FANCD2: variants seen among roughly 807,000 people sequenced by gnomAD.
FANCD2 encodes FA complementation group D2.
FANCD2 carries 131 observed loss-of-function variants against 192.3 expected under a neutral mutation model. That is an observed-to-expected ratio of 0.68 (90% CI 0.59 to 0.79). FANCD2 has a LOEUF of 0.79. Ranked by LOEUF, FANCD2 falls within the 30% of genes least tolerant of loss-of-function variation. The pLI, the probability that FANCD2 is intolerant of heterozygous loss-of-function variation, is 0.00. For synonymous variants in FANCD2, 524 were observed against 612.5 expected (o/e 0.86, Z 2.13); for missense variants, 1,508 against 1,701.6 (o/e 0.89, Z 2.00).
chr3:10,048,921 G>A (rs1439054716), intron 16 of FANCD2, among the ~76,000 whole-genome samples: 5 of 152,262 alleles, frequency 3.3e-5, no homozygotes, highest in Non-Finnish European at 7.3e-5. Flanking sequence ...CCCTCTTAAT[G>A]TCTTAGAGAC....
intron 18 of FANCD2, chr3:10,058,075 AT>A: frequency 2.0e-6 from 1 of 495,776 alleles, no homozygotes. Context: ...ACTTCTTGGG[AT>A]TCTCCAAATA....
chr3:10,069,491 C>CTCCA (rs1295920239), intron 26 of FANCD2, among the ~76,000 whole-genome samples: 2 of 130,290 alleles, frequency 1.5e-5, no homozygotes, highest in Admixed American at 7.3e-5. Flanking sequence ...CTCCCCCTCT[C>CTCCA]CCGTCTCCCT....
chr3:10,036,105 T>TTTTTTTTTTTTGG (rs2086724568), intron 6 of FANCD2, among the ~76,000 whole-genome samples, 182 bp from the exon 7 acceptor site: 1 of 146,788 alleles, frequency 6.8e-6, no homozygotes, highest in African/African-American at 2.6e-5. Flanking sequence ...TTTTTTTTTT[T>TTTTTTTTTTTTGG]GAGTCAGAGT....
chr3:10,094,236 G>T, intron 39 of FANCD2, 53 bp from the exon 40 acceptor site: 1 of 1,352,614 alleles, frequency 7.4e-7, no homozygotes, highest in Non-Finnish European at 1.1e-6. Context: ...TGCCTCAGGG[G>T]CCTTTCAGTG....
At position 10,087,116 on chromosome 3, in the gene FANCD2, T is replaced by G; in HGVS notation, c.3336-18T>G. The G allele has an allele frequency of 1.2e-6, 2 of 1,613,940 alleles. No homozygotes were observed. The highest frequency in any genetic ancestry group is 1.7e-6 in the Non-Finnish European group (2 of 1,179,902). The stretch of plus-strand genomic sequence containing the variant: ...TAGGATACTATTGCATTTGTTTGTT[T>G]TTCTTGTCTCCTTACAGCCAGAGCG... On this transcript the variant is annotated intron_variant, in intron 33 of 43. Transcript: ENST00000675286.
At chr3:10,095,466 C>G in intron 41 of FANCD2, 192 bp downstream of exon 41, 1 of 607,216 alleles carries the variant, frequency 1.6e-6, no homozygotes. Context: ...ATCTCCGCAT[C>G]TGAAATTTGA....
chr3:10,077,996 G>A, intron 29 of FANCD2, 85 bp from the exon 30 acceptor site: 1 of 948,162 alleles, frequency 1.1e-6, no homozygotes, highest in Non-Finnish European at 1.7e-6. Flanking sequence ...TCTTGCCACT[G>A]CACATTTAAC....
At chr3:10,076,003 T>G (rs1187455976) in intron 29 of FANCD2, among the ~76,000 whole-genome samples, 1 of 151,946 alleles carries the variant, frequency 6.6e-6, no homozygotes, top group Non-Finnish European at 1.5e-5. Context: ...AGTGTTGGGA[T>G]TACAGGTGTG....
intron 26 of FANCD2, among the ~76,000 whole-genome samples, chr3:10,069,602 C>T (rs1693055695): frequency 1.3e-5 from 2 of 151,660 alleles, no homozygotes; most frequent in Admixed American, 1.3e-4. Context: ...CCTGCGATTG[C>T]AGGCGCGCGC....
chr3:10,082,164 T>C (rs1241360818), intron 32 of FANCD2, among the ~76,000 whole-genome samples: 1 of 152,226 alleles, frequency 6.6e-6, no homozygotes, highest in Non-Finnish European at 1.5e-5. Context: ...CCTGGCTTAG[T>C]AAATGGTACC....
At chr3:10,036,744 T>C (rs998930134) in intron 7 of FANCD2, among the ~76,000 whole-genome samples, 2 of 152,106 alleles carry the variant, frequency 1.3e-5, no homozygotes, top group African/African-American at 4.8e-5. Flanking sequence ...AGTAGAAGGA[T>C]ACACAATATA....
At chr3:10,099,664 A>C (rs1695188390) in intron 43 of FANCD2, 1 of 153,408 alleles carries the variant, frequency 6.5e-6, no homozygotes, top group Non-Finnish European at 1.5e-5. Flanking sequence ...AGGCTGAGGC[A>C]GGAGAATCAC....
In FANCD2 at chr3:10,085,854, A is replaced by C. The variant is rs1219759716; in HGVS notation, c.3267A>C (p.Ser1089=). Residue 1089 remains serine, a synonymous_variant, in exon 33 of 44, where the codon TCA becomes TCC. Coordinates refer to ENST00000675286, the MANE Select transcript of FANCD2 (RefSeq NM_001018115.3). ...CTGAAAATCAGAATTTACTGTATTC[A>C]GCCCTCCATGTCCTTAGTAGCCGAC... ...SQPENQNLLY[S]ALHVLSSRLK... is the part of the protein sequence containing the mutation. 6.2e-7 allele frequency: 1 copy of C among 1,613,818 alleles called. No individual in the cohort carries two copies. The highest frequency in any genetic ancestry group is 8.5e-7 in the Non-Finnish European group (1 of 1,179,770).
chr3:10,032,753 C>T (rs1202246005), intron 2 of FANCD2, 79 bp from the exon 3 acceptor site: 3 of 1,271,576 alleles, frequency 2.4e-6, no homozygotes, highest in Non-Finnish European at 2.3e-6. Context: ...GTTTTCCTCT[C>T]ATGATTATTA....
chr3:10,042,971 T>C (rs541906102), intron 11 of FANCD2, 79 bp from the exon 12 acceptor site: 54 of 1,250,474 alleles, frequency 4.3e-5, no homozygotes, highest in Non-Finnish European at 6.3e-5. Context: ...TTTCAGGAGA[T>C]TGTCATGGTA....
chr3:10,048,399 G>A (rs2087093888), intron 16 of FANCD2, among the ~76,000 whole-genome samples: 1 of 152,188 alleles, frequency 6.6e-6, no homozygotes, highest in African/African-American at 2.4e-5. Flanking sequence ...CACCTCCTGG[G>A]TTCAAGCGAT....
rs781696088 is a variant in FANCD2, at chr3:10,063,855, T to C, written c.1891T>C (p.Tyr631His). The part of the protein sequence containing the change: ...SEQSPQASAL[Y>H]YDEFANLIQH... The stretch of plus-strand genomic sequence containing the variant: ...GCAGTCTCCTCAGGCCTCTGCACTT[T>C]ACTATGATGAATTTGCCAACCTGAT... The change falls in exon 21 of 44, where the codon TAC becomes CAC. Residue 631 changes from tyrosine (Y) to histidine (H), a missense_variant. Tyr to His is a moderately conservative substitution (Grantham distance 83). Coordinates refer to ENST00000675286, the MANE Select transcript of FANCD2 (RefSeq NM_001018115.3). The C allele has an allele frequency of 6.2e-7, 1 of 1,614,278 alleles. No individual in the cohort carries two copies. The highest frequency in any genetic ancestry group is 8.5e-7 in the Non-Finnish European group (1 of 1,180,048).
intron 36 of FANCD2, among the ~76,000 whole-genome samples, chr3:10,089,616 C>A (rs962860391): frequency 6.6e-6 from 1 of 152,078 alleles, no homozygotes; most frequent in Non-Finnish European, 1.5e-5. Context: ...ATTATAGGCA[C>A]CCACCACCAC....
chr3:10,068,587 C>G (rs2087784279), intron 26 of FANCD2, among the ~76,000 whole-genome samples: 1 of 150,908 alleles, frequency 6.6e-6, no homozygotes, highest in Non-Finnish European at 1.5e-5. Context: ...TCTACAGATT[C>G]AAGGCAATCC....
Sources: gnomAD v4.1 joint callset for allele counts (sites outside exome capture counted in the v4.1 genomes callset) on GRCh38, gnomAD v4.1.1 for gene constraint, MANE v1.5 for transcripts, NCBI Gene and HGNC (gene_info 2026-07-23, HGNC 2026-07-21) for gene names.